DISC1: variants seen among roughly 807,000 people sequenced by gnomAD.
The protein encoded by DISC1 is disrupted in schizophrenia 1 protein.
In DISC1, 57 loss-of-function variants were observed where a neutral mutation model predicts 84.5. The observed-to-expected ratio is 0.67, with a 90% CI of 0.55 to 0.84. The LOEUF is 0.84. Among genes scored for constraint, DISC1 ranks in the 40% least tolerant of loss-of-function variants. The pLI is 0.00. For synonymous variants in DISC1, 411 were observed against 415.2 expected, an observed-to-expected ratio of 0.99 and a Z score of 0.12; for missense variants, 1,000 against 1,057.8, an observed-to-expected ratio of 0.95 and a Z score of 0.76.
At chr1:231,855,268 A>G (rs1418700072) in intron 9 of DISC1, 1 of 953,470 alleles carries the variant, frequency 1.0e-6, no homozygotes, top group Non-Finnish European at 1.2e-6. Flanking sequence ...TGTCTCATAA[A>G]TAACTTTCTA....
At chr1:231,774,856 G>T in intron 6 of DISC1, 1 of 412,994 alleles carries the variant, frequency 2.4e-6, no homozygotes, top group Non-Finnish European at 4.9e-6. Flanking sequence ...TTAACTAATT[G>T]GACATGATCC....
At chr1:231,627,846 A>C (rs1270901054) in intron 1 of DISC1, among the ~76,000 whole-genome samples, 1 of 152,136 alleles carries the variant, frequency 6.6e-6, no homozygotes, top group Admixed American at 6.5e-5. Flanking sequence ...CAATTTGCAA[A>C]GTGTTATCAT....
chr1:231,948,861 A>ATTTTTTTT (rs58931988), intron 9 of DISC1, among the ~76,000 whole-genome samples: 5 of 94,454 alleles, frequency 5.3e-5, no homozygotes, highest in East Asian at 3.8e-4. Flanking sequence ...TCCTGTGTTA[A>ATTTTTTTT]TTTTTTTTTT....
intron 9 of DISC1, chr1:231,945,329 C>T (rs1408544324): frequency 6.6e-6 from 1 of 152,166 alleles, no homozygotes; most frequent in Non-Finnish European, 1.5e-5. Flanking sequence ...CTCACAACTA[C>T]ATGGAAACTG....
At chr1:231,805,986 TG>T (rs1411422120) in intron 8 of DISC1, among the ~76,000 whole-genome samples, 1 of 152,214 alleles carries the variant, frequency 6.6e-6, no homozygotes, top group Non-Finnish European at 1.5e-5. Flanking sequence ...TGGATGATCT[TG>T]GGCAAGTTGT....
At chr1:231,770,739 A>C (rs1558513707) in intron 5 of DISC1, 96 bp from the exon 6 acceptor site, 5 of 1,549,452 alleles carry the variant, frequency 3.2e-6, no homozygotes, top group Non-Finnish European at 4.4e-6. Flanking sequence ...GTTCTGGTGC[A>C]TATGGCCAAT....
intron 8 of DISC1, among the ~76,000 whole-genome samples, chr1:231,814,110 T>C (rs2080629876): frequency 6.6e-6 from 1 of 152,320 alleles, no homozygotes; most frequent in Middle Eastern, 3.4e-3. Flanking sequence ...TTTTGTATCA[T>C]TTTCAACATT....
At chr1:231,896,474 C>CT (rs200388242) in intron 9 of DISC1, among the ~76,000 whole-genome samples, 3 of 152,154 alleles carry the variant, frequency 2.0e-5, no homozygotes, top group East Asian at 3.9e-4. Flanking sequence ...TCAAATGCAA[C>CT]TTTTTTTTCC....
At chr1:231,904,307 T>C (rs1034590172) in intron 9 of DISC1, among the ~76,000 whole-genome samples, 1 of 152,202 alleles carries the variant, frequency 6.6e-6, no homozygotes, top group Admixed American at 6.5e-5. Flanking sequence ...TCTTCCTTTT[T>C]TCTGTCCCCT....
chr1:232,030,096 G>T (rs200053371), intron 12 of DISC1, among the ~76,000 whole-genome samples: 3 of 152,204 alleles, frequency 2.0e-5, no homozygotes, highest in African/African-American at 4.8e-5. Flanking sequence ...GGGAGAGCTG[G>T]TGGTGGAGAG....
At chr1:231,770,793 G>A in intron 5 of DISC1, 42 bp from the exon 6 acceptor site, 3 of 1,595,466 alleles carry the variant, frequency 1.9e-6, no homozygotes, top group Non-Finnish European at 2.6e-6. Flanking sequence ...TTTGCCATGA[G>A]CAGGGTTAAT....
In DISC1 at chr1:231,866,392, A is replaced by G. The variant is rs2085056483; in HGVS notation, c.1981+47875A>G. 8 of 640,786 alleles carry G rather than the reference A, an allele frequency of 1.2e-5. No individual in the cohort carries two copies. The Admixed American group carries it at 1.9e-4, about 15-fold the overall frequency. The allele number at this position is 640,786 out of a possible 1,614,324, so 39.7% of individuals were successfully genotyped here. A position where few individuals can be genotyped will look rare whatever the true frequency, so the allele number is the denominator to read the frequency against. On this transcript the variant is annotated intron_variant, in intron 9 of 12. Transcript: ENST00000439617. ...TTTAATTATCTCTGAAGTCACTTCA[A>G]GCAGAAATGTAACAATTCTTTGATT...
chr1:231,889,825 A>G (rs1033940942), intron 9 of DISC1, among the ~76,000 whole-genome samples: 1 of 151,910 alleles, frequency 6.6e-6, no homozygotes, highest in African/African-American at 2.4e-5. Context: ...CATAGACGAC[A>G]CTGTGTGAGC....
rs554532577 is a variant in DISC1 at position 231,818,626 on chromosome 1, A to G, written c.1981+109A>G. On this transcript the variant is annotated intron_variant, in intron 9 of 12. Coordinates refer to ENST00000439617, the MANE Select transcript of DISC1 (RefSeq NM_018662.3). ...TGTGAACGTCACTGTGAAGAGCGTCATGGAGCACATGGCCCTTTTCCTTGG... is the reference window on the plus strand; with the variant it reads ...TGTGAACGTCACTGTGAAGAGCGTCGTGGAGCACATGGCCCTTTTCCTTGG... The G allele has an allele frequency of 2.6e-6, 4 of 1,517,352 alleles. No homozygotes were observed. In the African/African-American group the frequency reaches 4.1e-5, roughly 16 times the overall value. The allele number at this position is 1,517,352 out of a possible 1,614,324, so 94.0% of individuals were successfully genotyped here. A position where few individuals can be genotyped will look rare whatever the true frequency, so the allele number is the denominator to read the frequency against.
At chr1:231,976,580 A>G (rs147218763) in intron 10 of DISC1, among the ~76,000 whole-genome samples, 31 of 152,326 alleles carry the variant, frequency 2.0e-4, no homozygotes, top group African/African-American at 7.5e-4. Context: ...GGGGAAAAAG[A>G]CTATGGAATC....
At chr1:231,649,158 A>G (rs1572489999) in intron 1 of DISC1, among the ~76,000 whole-genome samples, 6 of 152,248 alleles carry the variant, frequency 3.9e-5, no homozygotes, top group Admixed American at 3.3e-4. Context: ...TAGGATGTCA[A>G]TTTTAGATCT....
intron 1 of DISC1, among the ~76,000 whole-genome samples, chr1:231,654,071 G>T (rs1431726532): frequency 6.6e-6 from 1 of 152,098 alleles, no homozygotes; most frequent in African/African-American, 2.4e-5. Context: ...CTTCTCAGTT[G>T]GTCTCCATGG....
chr1:231,891,835 G>A (rs139621222), intron 9 of DISC1, among the ~76,000 whole-genome samples: 2 of 152,274 alleles, frequency 1.3e-5, no homozygotes, highest in African/African-American at 4.8e-5. Flanking sequence ...GGACTTGGAT[G>A]GATCTGTGGA....
At chr1:231,682,567 A>G (rs2063798222) in intron 1 of DISC1, among the ~76,000 whole-genome samples, 1 of 152,172 alleles carries the variant, frequency 6.6e-6, no homozygotes, top group Admixed American at 6.5e-5. Context: ...TAGTCACCTG[A>G]CCATGCTCAC....
Sources: gnomAD v4.1 joint callset for allele counts (sites outside exome capture counted in the v4.1 genomes callset) on GRCh38, gnomAD v4.1.1 for gene constraint, MANE v1.5 for transcripts, NCBI Gene and HGNC (gene_info 2026-07-23, HGNC 2026-07-21) for gene names.